Variants in LITAF observed in about 807,000 individuals in gnomAD.
LITAF encodes the protein lipopolysaccharide induced TNF factor.
LITAF carries 9 observed loss-of-function variants against 14.5 expected under a neutral mutation model. That is an observed-to-expected ratio of 0.62 (90% confidence interval 0.37 to 1.08). LITAF has a LOEUF of 1.08. Among genes scored for constraint, LITAF ranks in the 50% least tolerant of loss-of-function variants. The pLI is 0.01. For missense variants in LITAF, 206 were observed against 213.4 expected, an observed-to-expected ratio of 0.97 and a Z score of 0.22; for synonymous variants, 98 against 88.2, an observed-to-expected ratio of 1.11 and a Z score of -0.62.
chr16:11,584,833 G>A (rs1230862037), intron 1 of LITAF, among the ~76,000 whole-genome samples: 4 of 152,186 alleles, frequency 2.6e-5, no homozygotes, highest in African/African-American at 4.8e-5. Flanking sequence ...TCAACAGCCC[G>A]CCCATAAAAG....
chr16:11,614,506 G>A (rs1311506366), intron 3 of LITAF, among the ~76,000 whole-genome samples: 1 of 151,916 alleles, frequency 6.6e-6, no homozygotes, highest in African/African-American at 2.4e-5. Flanking sequence ...CACCATGTTG[G>A]CCAGGCTGGT....
intron 3 of LITAF, among the ~76,000 whole-genome samples, chr16:11,628,577 C>T (rs2065098921): frequency 6.6e-6 from 1 of 152,196 alleles, no homozygotes; most frequent in Non-Finnish European, 1.5e-5. Context: ...GATCATAGCT[C>T]ACTTCAGCCT....
chr16:11,612,562 G>T (rs555160151), intron 3 of LITAF, among the ~76,000 whole-genome samples: 10 of 152,218 alleles, frequency 6.6e-5, no homozygotes, highest in African/African-American at 2.4e-4. Context: ...GGCGGCCAGG[G>T]CCGGCCCAGC....
At chr16:11,585,873 C>A (rs1330929729) in intron 1 of LITAF, among the ~76,000 whole-genome samples, 2 of 152,202 alleles carry the variant, frequency 1.3e-5, no homozygotes, top group Non-Finnish European at 2.9e-5. Flanking sequence ...CTCAGTCCAA[C>A]AGCCAGTGAC....
At position 11,557,112 on chromosome 16, in the gene LITAF, G is replaced by A. The variant is rs527544132; in HGVS notation, c.-5-377C>T. ...TGGTTTTTTTGGTTTTTAAACCACT[G>A]TGGTTTTCACTAACTGTTTCAGGTA... On this transcript the variant is annotated intron_variant, in intron 1 of 3. Transcript: ENST00000622633. 1.4e-5 allele frequency among the ~76,000 whole-genome samples: 2 copies of A among 147,818 alleles called. 1 individual carries two copies. The highest frequency in any genetic ancestry group is 4.2e-4 in the South Asian group (2 of 4,710).
chr16:11,604,302 C>A (rs114820187), intron 3 of LITAF, among the ~76,000 whole-genome samples: 31 of 152,290 alleles, frequency 2.0e-4, no homozygotes, highest in African/African-American at 7.5e-4. Context: ...GAAAGAAATT[C>A]CTGAGAGCTG....
chr16:11,639,681 A>G (rs1461205009), upstream of LITAF, among the ~76,000 whole-genome samples: 1 of 144,738 alleles, frequency 6.9e-6, no homozygotes, highest in Non-Finnish European at 1.6e-5. Context: ...CTGGGCAAAG[A>G]AAAAAGATTC....
Position 11,627,295 on chromosome 16 carries a change from G to A in LITAF, c.85+6238C>T, listed in dbSNP as rs190688829. On this transcript the variant is annotated intron_variant, in intron 3 of 3. Coordinates refer to the LITAF transcript ENST00000574848. ...GCTGGTGAGATGAAAACCCGGAGCT[G>A]CCCAGCACCATCTTTGCCAGCAGGT... Among the ~76,000 whole-genome samples the A allele has an allele frequency of 1.8e-4, 27 of 152,300 alleles. No homozygotes were observed. In the East Asian group the frequency reaches 5.0e-3, roughly 28 times the overall value.
chr16:11,568,250 T>C (rs994094334), intron 1 of LITAF, among the ~76,000 whole-genome samples: 2 of 148,464 alleles, frequency 1.3e-5, no homozygotes, highest in Non-Finnish European at 3.0e-5. Flanking sequence ...TTTGCACTAC[T>C]GCACTCCAGC....
intron 3 of LITAF, among the ~76,000 whole-genome samples, chr16:11,550,581 T>C (rs1039242950): frequency 6.6e-6 from 1 of 151,980 alleles, no homozygotes; most frequent in Non-Finnish European, 1.5e-5. Context: ...CATTTGGGAG[T>C]CTTTCAAAGT....
rs182831857 is a variant in LITAF, at chr16:11,618,540, A to G, written c.85+14993T>C. ...TCAGAGAATCTGGAGAGCGTGCTTG[A>G]TGGGCTCCCCGGGCTTTCGCTGTGT... is the stretch of plus-strand genomic sequence containing the variant. On this transcript the variant is annotated intron_variant, in intron 3 of 3. Transcript: ENST00000574848. Among the ~76,000 whole-genome samples, 797 of 152,284 alleles carry G rather than the reference A, an allele frequency of 5.2e-3. 3 individuals carry two copies. The highest frequency in any genetic ancestry group is 0.017 in the Middle Eastern group (5 of 294).
At chr16:11,602,425 T>C (rs79491850), upstream of LITAF, among the ~76,000 whole-genome samples, 3,425 of 152,208 alleles carry the variant, frequency 0.023, 103 homozygotes, top group East Asian at 0.14. Flanking sequence ...CAGGCTGTTA[T>C]GGAAATGTTA....
chr16:11,636,955 C>G (rs1029487717), upstream of LITAF, among the ~76,000 whole-genome samples: 1 of 151,922 alleles, frequency 6.6e-6, no homozygotes, highest in Admixed American at 6.6e-5. Context: ...CTGCAGCCTC[C>G]GCCTCCCAGG....
intron 1 of LITAF, among the ~76,000 whole-genome samples, chr16:11,572,522 G>A (rs889027411): frequency 1.3e-5 from 2 of 152,002 alleles, no homozygotes; most frequent in East Asian, 1.9e-4. Flanking sequence ...CTGCTGACGG[G>A]ACATCACACA....
chr16:11,618,861 T>C (rs2065032897), intron 3 of LITAF, among the ~76,000 whole-genome samples: 1 of 151,912 alleles, frequency 6.6e-6, no homozygotes, highest in Non-Finnish European at 1.5e-5. Flanking sequence ...TGGGTGCCTG[T>C]AATCCCAGCT....
At chr16:11,563,950 A>T (rs959200561) in intron 1 of LITAF, among the ~76,000 whole-genome samples, 1 of 152,060 alleles carries the variant, frequency 6.6e-6, no homozygotes, top group African/African-American at 2.4e-5. Flanking sequence ...TCTGTTACCC[A>T]GGCTGGAGTG....
chr16:11,638,127 T>C (rs1597380078), upstream of LITAF, among the ~76,000 whole-genome samples: 2 of 139,026 alleles, frequency 1.4e-5, no homozygotes, highest in Admixed American at 1.5e-4. Flanking sequence ...TATAGATAGA[T>C]AGATAGATAG....
chr16:11,584,335 A>G (rs1433425991), intron 1 of LITAF: 3 of 152,144 alleles, frequency 2.0e-5, no homozygotes, highest in Non-Finnish European at 4.4e-5. Flanking sequence ...GGAAATTCCT[A>G]TTCAGTGGGA....
At chr16:11,554,495 A>T (rs938006495) in intron 2 of LITAF, among the ~76,000 whole-genome samples, 8 of 152,108 alleles carry the variant, frequency 5.3e-5, no homozygotes, top group African/African-American at 1.9e-4. Flanking sequence ...ATCAGAAGAG[A>T]ATCCAGGCCG....
Sources: allele counts gnomAD v4.1 joint callset (sites outside exome capture counted in the v4.1 genomes callset), GRCh38; gene constraint gnomAD v4.1.1; transcripts MANE v1.5; gene names NCBI Gene and HGNC (gene_info 2026-07-23, HGNC 2026-07-21).